ADGRL3: variants seen among roughly 807,000 people sequenced by gnomAD.
The protein encoded by ADGRL3 is calcium-independent alpha-latrotoxin receptor 3.
Under a neutral mutation model 153.5 loss-of-function variants are expected in ADGRL3, and 62 were observed. The observed-to-expected ratio is 0.40, with a 90% CI of 0.33 to 0.50. The LOEUF (loss-of-function observed/expected upper bound fraction) is 0.50, where lower values mean the gene tolerates loss of function less well. ADGRL3 is among the 20% of genes least tolerant of loss of function. ADGRL3 has a pLI of 0.47. For missense variants in ADGRL3, 1,641 were observed against 1,859.4 expected (o/e 0.88, Z 2.16); for synonymous variants, 710 against 672.5 (o/e 1.06, Z -0.86).
chr4:61,909,826 A>G (rs1031902599), intron 12 of ADGRL3, 81 bp downstream of exon 12: 16 of 1,136,584 alleles, frequency 1.4e-5, no homozygotes, highest in Non-Finnish European at 1.9e-5. Flanking sequence ...ATAAAATCAG[A>G]AAGACTTCAC....
chr4:61,651,923 A>G (rs1379758636), intron 5 of ADGRL3, among the ~76,000 whole-genome samples: 1 of 151,994 alleles, frequency 6.6e-6, no homozygotes, highest in Non-Finnish European at 1.5e-5. Context: ...CCCAAAATAA[A>G]TAACTTTTAA....
intron 21 of ADGRL3, among the ~76,000 whole-genome samples, chr4:62,006,032 A>ATATATATATATAT (rs1203029363): frequency 2.7e-5 from 2 of 73,090 alleles, no homozygotes; most frequent in East Asian, 4.1e-4. Context: ...ATATATATAT[A>ATATATATATATAT]TTTTTTTTTT....
chr4:61,337,196 C>A (rs2095696503), intron 1 of ADGRL3, among the ~76,000 whole-genome samples: 2 of 152,132 alleles, frequency 1.3e-5, no homozygotes, highest in South Asian at 4.1e-4. Flanking sequence ...TCTGAACTCT[C>A]ATCTCCAAGG....
intron 3 of ADGRL3, among the ~76,000 whole-genome samples, chr4:61,501,825 C>A (rs991451296): frequency 1.1e-4 from 17 of 152,124 alleles, no homozygotes; most frequent in African/African-American, 4.1e-4. Context: ...ACATCAATAT[C>A]ACATAAATAT....
Position 61,201,315 on chromosome 4 carries a change from G to T in ADGRL3, c.-690G>T. 1 of 153,348 alleles carries T rather than the reference G, an allele frequency of 6.5e-6. No individual in the cohort carries two copies. The highest frequency in any genetic ancestry group is 2.0e-4 in the South Asian group (1 of 5,008). 9.5% of individuals were successfully genotyped at this position (153,348 alleles called of 1,614,324 possible). A position where few individuals can be genotyped will look rare whatever the true frequency, so the allele number is the denominator to read the frequency against. On this transcript the variant is annotated 5_prime_UTR_variant, in exon 1 of 27. It removes an upstream start codon present in the reference 5' UTR. Coordinates refer to ENST00000683033, the MANE Select transcript of ADGRL3 (RefSeq NM_001387552.1). ...GAGAAGGAGAAGCAGCCCCAGCTAT[G>T]ACTGCCGCATGTTAATAGCTGCCGC...
intron 19 of ADGRL3, 65 bp downstream of exon 19, chr4:61,983,668 G>A: frequency 6.9e-7 from 1 of 1,440,056 alleles, no homozygotes; most frequent in Non-Finnish European, 9.7e-7. Flanking sequence ...TTTCTTGGAA[G>A]CAAAGGTCTT....
At chr4:62,047,153 G>GT (rs951738499) in intron 25 of ADGRL3, among the ~76,000 whole-genome samples, 72 of 150,458 alleles carry the variant, frequency 4.8e-4, no homozygotes, top group Middle Eastern at 7.0e-3. Flanking sequence ...TATAGATAGT[G>GT]TTTTTTTTTA....
intron 4 of ADGRL3, among the ~76,000 whole-genome samples, chr4:61,559,515 A>G (rs1441020486): frequency 6.6e-6 from 1 of 152,122 alleles, no homozygotes; most frequent in Non-Finnish European, 1.5e-5. Context: ...ATTAGCCTGA[A>G]TTTGGCTCTT....
At chr4:61,491,976 G>GT (rs934996787) in intron 2 of ADGRL3, among the ~76,000 whole-genome samples, 2 of 152,060 alleles carry the variant, frequency 1.3e-5, no homozygotes, top group African/African-American at 4.8e-5. Context: ...CCTAAAGTAA[G>GT]TTGTAAGGTC....
At chr4:61,980,308 T>A (rs1007767677) in intron 18 of ADGRL3, among the ~76,000 whole-genome samples, 1 of 101,080 alleles carries the variant, frequency 9.9e-6, no homozygotes, top group South Asian at 4.9e-4. Flanking sequence ...AACCACTAAT[T>A]TTTTTTTTTT....
intron 9 of ADGRL3, among the ~76,000 whole-genome samples, chr4:61,838,877 C>A (rs551287083): frequency 6.6e-6 from 1 of 152,194 alleles, no homozygotes; most frequent in East Asian, 1.9e-4. Context: ...ACATTCTTTT[C>A]TTTGTGTAAG....
chr4:61,603,606 T>A (rs952820947), intron 5 of ADGRL3, among the ~76,000 whole-genome samples: 6 of 152,120 alleles, frequency 3.9e-5, no homozygotes, highest in Non-Finnish European at 7.4e-5. Flanking sequence ...ACGGTCAAAG[T>A]TTTTGGAATA....
At chr4:61,276,623 T>G (rs1207668985) in intron 1 of ADGRL3, among the ~76,000 whole-genome samples, 1 of 152,222 alleles carries the variant, frequency 6.6e-6, no homozygotes, top group Non-Finnish European at 1.5e-5. Flanking sequence ...AATTCATTTT[T>G]GTCAATTAGT....
Position 61,948,229 on chromosome 4 carries a change from A to C in ADGRL3, c.2758A>C (p.Asn920His), listed in dbSNP as rs745870808. Reference sequence around the variant, plus strand: ...TAAGACACATACTACATGCTCTTGTAACCACCTAACAAATTTTGCAGTACT... The same window carrying C: ...TAAGACACATACTACATGCTCTTGTCACCACCTAACAAATTTTGCAGTACT... ...TNKTHTTCSC[N>H]HLTNFAVLMA... Residue 920 changes from asparagine to histidine, a missense_variant, in exon 17 of 27, where the codon AAC becomes CAC. Transcript: ENST00000683033. 2 of 1,613,858 alleles carry C rather than the reference A, an allele frequency of 1.2e-6. No homozygotes were observed. Among genetic ancestry groups the C allele is most frequent in the Admixed American group, 3.3e-5 (2 of 60,002 alleles).
chr4:61,394,287 C>A lies in ADGRL3; in HGVS notation c.-174+11098C>A, dbSNP rs189491611. Among the ~76,000 whole-genome samples, 273 of 152,022 alleles carry A rather than the reference C, an allele frequency of 1.8e-3. 2 individuals carry two copies. The highest frequency in any genetic ancestry group is 6.4e-3 in the African/African-American group (264 of 41,524). ...TTAGTAGGGACCTAAGTATACATAT[C>A]ATATTGTTCTCTTAAAGAATAAGAT... On this transcript the variant is annotated intron_variant, in intron 2 of 26. Coordinates refer to ENST00000683033, the MANE Select transcript of ADGRL3 (RefSeq NM_001387552.1).
chr4:61,876,750 A>G lies in ADGRL3; in HGVS notation c.1481-15906A>G, dbSNP rs2098477705. On this transcript the variant is annotated intron_variant, in intron 9 of 26. Coordinates refer to ENST00000683033, the MANE Select transcript of ADGRL3 (RefSeq NM_001387552.1). ...AGTATAATAAAAAAAATAAAATAAA[A>G]TAAAATAAAATGGGGAGGCATGAAT... is the stretch of plus-strand genomic sequence containing the variant. 2.0e-5 allele frequency among the ~76,000 whole-genome samples: 3 copies of G among 151,918 alleles called. No individual in the cohort carries two copies. The South Asian group carries it at 6.2e-4, about 31-fold the overall frequency.
chr4:61,719,654 G>A (rs2096199247), intron 6 of ADGRL3, among the ~76,000 whole-genome samples: 1 of 146,746 alleles, frequency 6.8e-6, no homozygotes, highest in South Asian at 2.2e-4. Context: ...CCAGGCTAGA[G>A]TGCAGTGGCC....
intron 8 of ADGRL3, among the ~76,000 whole-genome samples, chr4:61,777,903 T>C (rs766865933): frequency 6.6e-6 from 1 of 152,122 alleles, no homozygotes; most frequent in Non-Finnish European, 1.5e-5. Context: ...TAGGGAAACA[T>C]AGGATAACAA....
chr4:61,752,374 A>T (rs1383656280), intron 8 of ADGRL3, among the ~76,000 whole-genome samples: 3 of 151,840 alleles, frequency 2.0e-5, no homozygotes, highest in Non-Finnish European at 4.4e-5. Context: ...GCCTATTATT[A>T]TATTGCCTAA....
Sources: gnomAD v4.1 joint callset for allele counts (sites outside exome capture counted in the v4.1 genomes callset) on GRCh38, gnomAD v4.1.1 for gene constraint, MANE v1.5 for transcripts, NCBI Gene and HGNC (gene_info 2026-07-23, HGNC 2026-07-21) for gene names.